The following TRPM3 variants were observed in gnomAD, a reference collection of about 807,000 sequenced individuals.
TRPM3 encodes the protein transient receptor potential cation channel subfamily M member 3, also known as long transient receptor potential channel 3.
A neutral mutation model predicts 181.2 loss-of-function variants in TRPM3; 77 were observed. The ratio of observed to expected loss-of-function variants is 0.42; its 90% confidence interval spans 0.35 to 0.51. The LOEUF is 0.51. Ranked by LOEUF, TRPM3 falls within the 20% of genes least tolerant of loss-of-function variation. The probability of loss-of-function intolerance (pLI) is 0.01; values close to 1 mark genes in which losing one functional copy is unlikely to be tolerated. For missense variants in TRPM3, 1,759 were observed against 2,196.7 expected, an observed-to-expected ratio of 0.80 and a Z score of 3.98; for synonymous variants, 745 against 796.4, an observed-to-expected ratio of 0.94 and a Z score of 1.09.
intron 8 of TRPM3, among the ~76,000 whole-genome samples, chr9:70,689,352 A>G (rs969675526): frequency 1.3e-5 from 2 of 152,180 alleles, no homozygotes; most frequent in South Asian, 2.1e-4. Context: ...TATAACATAT[A>G]TAAGTAAAAT....
At chr9:71,199,538 C>A (rs2078635479) in intron 1 of TRPM3, among the ~76,000 whole-genome samples, 1 of 152,118 alleles carries the variant, frequency 6.6e-6, no homozygotes, top group South Asian at 2.1e-4. Context: ...TTGATTATTG[C>A]CACAATTTCA....
At chr9:70,875,856 G>T (rs547072837) in intron 1 of TRPM3, among the ~76,000 whole-genome samples, 54 of 151,902 alleles carry the variant, frequency 3.6e-4, no homozygotes, top group African/African-American at 1.3e-3. Flanking sequence ...TAAGTGTAAG[G>T]TTATTTCTAT....
chr9:70,676,345 T>C (rs888099505), intron 9 of TRPM3, among the ~76,000 whole-genome samples: 13 of 152,140 alleles, frequency 8.5e-5, no homozygotes, highest in African/African-American at 2.4e-4. Context: ...TGAGAATAGA[T>C]GAATGGTGGG....
chr9:71,277,320 A>G (rs891574771), intron 1 of TRPM3, among the ~76,000 whole-genome samples: 2 of 152,208 alleles, frequency 1.3e-5, no homozygotes, highest in African/African-American at 4.8e-5. Context: ...TGTTTTCCTG[A>G]GTAACGTGTA....
chr9:70,874,985 C>A (rs1384825828), intron 1 of TRPM3, among the ~76,000 whole-genome samples: 4 of 151,704 alleles, frequency 2.6e-5, no homozygotes, highest in African/African-American at 9.7e-5. Flanking sequence ...GGTAGAGATG[C>A]TGATTTATTT....
At chr9:71,180,414 T>C (rs1472261022) in intron 1 of TRPM3, among the ~76,000 whole-genome samples, 2 of 152,130 alleles carry the variant, frequency 1.3e-5, no homozygotes, top group Non-Finnish European at 2.9e-5. Flanking sequence ...TTCAATTCAC[T>C]TGAAAGGGAA....
At chr9:71,194,554 T>C (rs1202829925) in intron 1 of TRPM3, among the ~76,000 whole-genome samples, 1 of 151,798 alleles carries the variant, frequency 6.6e-6, no homozygotes, top group South Asian at 2.1e-4. Flanking sequence ...AACTAGAAGA[T>C]GGAAAGACAC....
intron 1 of TRPM3, among the ~76,000 whole-genome samples, chr9:71,042,042 A>G (rs2058886401): frequency 6.6e-6 from 1 of 152,182 alleles, no homozygotes; most frequent in South Asian, 2.1e-4. Flanking sequence ...ACCTAATTTA[A>G]TCCATCCATC....
intron 1 of TRPM3, among the ~76,000 whole-genome samples, chr9:71,439,899 T>C (rs573136554): frequency 6.6e-6 from 1 of 152,154 alleles, no homozygotes; most frequent in South Asian, 2.1e-4. Flanking sequence ...GGCAGGCAGA[T>C]CACGAGGTCA....
In TRPM3 at chr9:70,535,880, AG is replaced by A. The variant is rs2041592649; in HGVS notation, c.*72del. On this transcript the variant is annotated 3_prime_UTR_variant, in exon 26 of 26. Transcript: ENST00000677713. Reference sequence around the variant, plus strand: ...AATAAAGCAGGTATGATTCAAGGAAAGGGGAAAAACTGGAGTTGGAGAGAAT... The same window carrying A: ...AATAAAGCAGGTATGATTCAAGGAAAGGGAAAAACTGGAGTTGGAGAGAAT... 1.1e-5 allele frequency: 16 copies of A among 1,523,022 alleles called. No homozygotes were observed. The African/African-American group carries it at 1.1e-4, about 11-fold the overall frequency. The allele number at this position is 1,523,022 out of a possible 1,614,324, so 94.3% of individuals were successfully genotyped here. A position where few individuals can be genotyped will look rare whatever the true frequency, so the allele number is the denominator to read the frequency against.
rs1426395585 is a variant in TRPM3 at position 71,282,159 on chromosome 9, AAAAG to A, written c.183+164490_183+164493del. On this transcript the variant is annotated intron_variant, in intron 1 of 24. Transcript: ENST00000357533. ...AAGAAAGAAAGGAAAGAAAGAAAGGAAAAGAAAGAATGAAAGAAAGAAAGAAAGG... is the reference window on the plus strand; with the variant it reads ...AAGAAAGAAAGGAAAGAAAGAAAGGAAAAGAATGAAAGAAAGAAAGAAAGG... 1.4e-4 allele frequency among the ~76,000 whole-genome samples: 16 copies of A among 115,158 alleles called. 2 individuals carry two copies. Among genetic ancestry groups the A allele is most frequent in the African/African-American group, 3.9e-4 (12 of 31,120 alleles). 75.5% of individuals were successfully genotyped at this position (115,158 alleles called of 152,430 possible).
At chr9:70,890,190 A>G (rs2096175630) in intron 1 of TRPM3, among the ~76,000 whole-genome samples, 2 of 151,152 alleles carry the variant, frequency 1.3e-5, no homozygotes, top group South Asian at 4.2e-4. Flanking sequence ...ACTATAACAC[A>G]GGACATTTTT....
At position 70,530,670 on chromosome 9, in the gene TRPM3, G is replaced by C. The variant is rs2040756723; in HGVS notation, c.*5283C>G. The C allele has an allele frequency of 6.6e-6, 1 of 152,150 alleles. No individual in the cohort carries two copies. Among genetic ancestry groups the C allele is most frequent in the Non-Finnish European group, 1.5e-5 (1 of 68,028 alleles). The allele number at this position is 152,150 out of a possible 1,614,324, so 9.4% of individuals were successfully genotyped here. ...TGATGAGTGCAAGGAAATCATCAGA[G>C]AAAAGGTAACACAACTACCTTCTGA... On this transcript the variant is annotated 3_prime_UTR_variant, in exon 26 of 26. Transcript: ENST00000677713.
At chr9:70,809,901 G>A (rs1273280345) in intron 6 of TRPM3, 3 of 524,988 alleles carry the variant, frequency 5.7e-6, no homozygotes, top group Admixed American at 3.9e-5. Context: ...GGACAGTTAT[G>A]GGCCCAATGA....
At chr9:70,671,695 C>T (rs1286182165) in intron 9 of TRPM3, among the ~76,000 whole-genome samples, 2 of 152,106 alleles carry the variant, frequency 1.3e-5, no homozygotes, top group African/African-American at 2.4e-5. Context: ...AAGAATGTAT[C>T]CCTGGAACAT....
At chr9:71,233,795 G>A (rs2081208372) in intron 1 of TRPM3, among the ~76,000 whole-genome samples, 1 of 152,242 alleles carries the variant, frequency 6.6e-6, no homozygotes, top group African/African-American at 2.4e-5. Context: ...TCTTTAAAAT[G>A]TCATTCCAGG....
chr9:70,611,882 G>A (rs2062046739), intron 18 of TRPM3, among the ~76,000 whole-genome samples: 1 of 152,202 alleles, frequency 6.6e-6, no homozygotes, highest in African/African-American at 2.4e-5. Context: ...AACAGTAGCA[G>A]TGACAACTAT....
intron 1 of TRPM3, among the ~76,000 whole-genome samples, chr9:71,071,088 G>A (rs541207690): frequency 6.6e-6 from 1 of 152,146 alleles, no homozygotes; most frequent in Non-Finnish European, 1.5e-5. Flanking sequence ...GTCTTCAGGG[G>A]TGATGAGTCA....
At chr9:71,116,809 T>C (rs2072494292) in intron 1 of TRPM3, among the ~76,000 whole-genome samples, 1 of 152,154 alleles carries the variant, frequency 6.6e-6, no homozygotes, top group African/African-American at 2.4e-5. Context: ...GCAGGGTATA[T>C]AACAAAAATA....
Sources: gnomAD v4.1 joint callset for allele counts (sites outside exome capture counted in the v4.1 genomes callset) on GRCh38, gnomAD v4.1.1 for gene constraint, MANE v1.5 for transcripts, NCBI Gene and HGNC (gene_info 2026-07-23, HGNC 2026-07-21) for gene names.